The following TUB variants were observed in gnomAD, a reference collection of about 807,000 sequenced individuals.
TUB encodes TUB bipartite transcription factor, also known as tubby protein homolog.
In TUB, 33 loss-of-function variants were observed where a neutral mutation model predicts 59.7. The ratio of observed to expected loss-of-function variants is 0.55; its 90% CI spans 0.42 to 0.74. The LOEUF is 0.74. Ranked by LOEUF, TUB falls within the 30% of genes least tolerant of loss-of-function variation. The pLI, the probability that TUB is intolerant of heterozygous loss-of-function variation, is 0.00. For missense variants in TUB, 659 were observed against 672.0 expected (o/e 0.98, Z 0.21); for synonymous variants, 293 against 256.4 (o/e 1.14, Z -1.36).
chr11:8,055,883 C>A lies in TUB; in HGVS notation c.203+16191C>A, dbSNP rs755926644. Among the ~76,000 whole-genome samples the A allele has an allele frequency of 5.3e-5, 8 of 152,336 alleles. No individual in the cohort carries two copies. The East Asian group carries it at 5.8e-4, about 11-fold the overall frequency. ...TTCCCACTAGCCCCTTCGCTCAGGG[C>A]CCTGTGACTTCTGATCCCTCCCTGT... On this transcript the variant is annotated intron_variant, in intron 2 of 12. Transcript: ENST00000305253.
At chr11:8,082,836 C>G (rs1326777258) in intron 1 of TUB, among the ~76,000 whole-genome samples, 1 of 152,220 alleles carries the variant, frequency 6.6e-6, no homozygotes, top group Non-Finnish European at 1.5e-5. Flanking sequence ...CCTCTAATCT[C>G]AGCTCCTGTG....
intron 2 of TUB, among the ~76,000 whole-genome samples, chr11:8,051,653 T>G (rs1942937112): frequency 6.6e-6 from 1 of 152,214 alleles, no homozygotes. Context: ...AGCTTTGCAC[T>G]CACTTCAATT....
chr11:8,057,456 C>T (rs369907409), intron 2 of TUB, among the ~76,000 whole-genome samples: 1 of 152,130 alleles, frequency 6.6e-6, no homozygotes. Context: ...TTTTCCAGAG[C>T]TTATATATCT....
intron 2 of TUB, among the ~76,000 whole-genome samples, chr11:8,046,626 C>T (rs1564901526): frequency 6.6e-6 from 1 of 152,138 alleles, no homozygotes; most frequent in South Asian, 2.1e-4. Context: ...TCTCTCTGAC[C>T]ACCAGATTAC....
chr11:8,039,830 G>T, intron 2 of TUB: 2 of 586,566 alleles, frequency 3.4e-6, no homozygotes, highest in Non-Finnish European at 5.3e-6. Context: ...GTGTGAAATG[G>T]GGTTTAGGGG....
chr11:8,079,789 T>C (rs1469436904), upstream of TUB, among the ~76,000 whole-genome samples: 1 of 152,030 alleles, frequency 6.6e-6, no homozygotes, highest in African/African-American at 2.4e-5. Context: ...CCCAGACCTT[T>C]TGTGTGTGAA....
chr11:8,077,562 T>TA (rs1332257457), upstream of TUB: 2 of 152,246 alleles, frequency 1.3e-5, no homozygotes, highest in African/African-American at 4.8e-5. Flanking sequence ...CAGTAACTGT[T>TA]ACGTTTCCCT....
chr11:8,094,218 C>G (rs774984140), intron 4 of TUB, 29 bp downstream of exon 4: 1 of 1,583,248 alleles, frequency 6.3e-7, no homozygotes, highest in South Asian at 1.2e-5. Flanking sequence ...CAGCCCTCCC[C>G]AGCAGGCCTG....
At chr11:8,080,758 C>T (rs993084844), upstream of TUB, among the ~76,000 whole-genome samples, 1 of 152,186 alleles carries the variant, frequency 6.6e-6, no homozygotes, top group African/African-American at 2.4e-5. Flanking sequence ...CAGAGGGTTC[C>T]CCAGGCGGGG....
intron 2 of TUB, among the ~76,000 whole-genome samples, chr11:8,041,569 G>C (rs1942750751): frequency 6.6e-6 from 1 of 152,126 alleles, no homozygotes; most frequent in South Asian, 2.1e-4. Flanking sequence ...GGGATCATTT[G>C]AAACTGTTCC....
intron 1 of TUB, among the ~76,000 whole-genome samples, chr11:8,032,320 T>C (rs1467871008): frequency 1.3e-5 from 2 of 152,176 alleles, no homozygotes; most frequent in Non-Finnish European, 2.9e-5. Flanking sequence ...AGTAGGCTCG[T>C]AGCCGGTGAA....
At chr11:8,087,423 C>T (rs1263543303) in intron 1 of TUB, among the ~76,000 whole-genome samples, 1 of 152,242 alleles carries the variant, frequency 6.6e-6, no homozygotes, top group Admixed American at 6.5e-5. Context: ...AATGGCCCCT[C>T]CTGCTGGCAC....
chr11:8,059,209 C>T (rs1300974585), intron 2 of TUB, among the ~76,000 whole-genome samples: 1 of 151,988 alleles, frequency 6.6e-6, no homozygotes, highest in Non-Finnish European at 1.5e-5. Context: ...GTGGGGGTCC[C>T]GTTCATTGGT....
At position 8,074,814 on chromosome 11, in the gene TUB, T is replaced by G. The variant is rs1486139166; in HGVS notation, c.204-14796T>G. On this transcript the variant is annotated intron_variant, in intron 2 of 12. Coordinates refer to the TUB transcript ENST00000305253. The stretch of plus-strand genomic sequence containing the variant: ...GAGACTGGAGTGCAGTGGCACAATC[T>G]TGGCTCACTACAACCTCCGCCTCCC... 5.7e-5 allele frequency among the ~76,000 whole-genome samples: 8 copies of G among 139,718 alleles called. No individual in the cohort carries two copies. The Admixed American group carries it at 6.2e-4, about 11-fold the overall frequency. 91.7% of individuals were successfully genotyped at this position (139,718 alleles called of 152,430 possible). A position where few individuals can be genotyped will look rare whatever the true frequency, so the allele number is the denominator to read the frequency against.
rs1426549465 is a variant in TUB at position 8,100,882 on chromosome 11, G to C, written c.1272G>C (p.Glu424Asp). The C allele has an allele frequency of 3.1e-6, 5 of 1,614,040 alleles. No homozygotes were observed. The Admixed American group carries it at 8.3e-5, about 27-fold the overall frequency. ...WQNKNTESII[E>D]LQNKTPVWND... ...ATAAGAACACGGAGAGTATCATCGA[G>C]CTGCAAAACAAGACACCTGTCTGGA... The change falls in exon 11 of 12, where the codon GAG (glutamate) becomes GAC (aspartate). Residue 424 changes from glutamate to aspartate, a missense_variant. By Grantham distance (45) the Glu-to-Asp change is conservative (BLOSUM62 2). Around this residue, in one of 3 missense-constraint regions of TUB, gnomAD observed 226 missense variants for 210.8 expected, o/e 1.07. Coordinates refer to ENST00000299506, the MANE Select transcript of TUB (RefSeq NM_177972.3).
chr11:8,101,156 G>A (rs956418712), intron 11 of TUB, among the ~76,000 whole-genome samples, 159 bp downstream of exon 11: 1 of 152,140 alleles, frequency 6.6e-6, no homozygotes, highest in African/African-American at 2.4e-5. Flanking sequence ...CTAATGACTG[G>A]GAGGTCCTGG....
intron 1 of TUB, among the ~76,000 whole-genome samples, chr11:8,026,004 C>A (rs1198182921): frequency 6.6e-6 from 1 of 152,212 alleles, no homozygotes; most frequent in Non-Finnish European, 1.5e-5. Context: ...TTTAAGCATT[C>A]TAACAGTTAT....
chr11:8,101,844 A>C lies in TUB; in HGVS notation c.*225A>C, dbSNP rs984341050. 7.5e-5 allele frequency: 40 copies of C among 531,494 alleles called. No individual in the cohort carries two copies. Among genetic ancestry groups the C allele is most frequent in the African/African-American group, 6.9e-4 (34 of 48,970 alleles). 32.9% of individuals were successfully genotyped at this position (531,494 alleles called of 1,614,324 possible). The stretch of plus-strand genomic sequence containing the variant: ...TGGGTGGGTGTGAAGGGATGAGAAT[A>C]ATTCTTTCCATGCCACGAGATCAAC... On this transcript the variant is annotated 3_prime_UTR_variant, in exon 12 of 12. Transcript: ENST00000299506.
intron 1 of TUB, among the ~76,000 whole-genome samples, chr11:8,083,761 G>C (rs1197441319): frequency 1.3e-5 from 2 of 152,094 alleles, no homozygotes; most frequent in Admixed American, 6.6e-5. Context: ...CCACCTCCTC[G>C]TTCTGTTGTA....
Sources: allele counts gnomAD v4.1 joint callset (sites outside exome capture counted in the v4.1 genomes callset), GRCh38; gene constraint gnomAD v4.1.1; regional missense constraint gnomAD v4.1.1; transcripts MANE v1.5; gene names NCBI Gene and HGNC (gene_info 2026-07-23, HGNC 2026-07-21).